THOP1: variants seen among roughly 807,000 people sequenced by gnomAD.
THOP1 encodes the protein thimet oligopeptidase 1, also known as thimet oligopeptidase.
THOP1 carries 49 observed loss-of-function variants against 71.8 expected under a neutral mutation model. The ratio of observed to expected loss-of-function variants is 0.68; its 90% CI spans 0.54 to 0.87. The LOEUF (loss-of-function observed/expected upper bound fraction) is 0.87. Among genes scored for constraint, THOP1 ranks in the 40% least tolerant of loss-of-function variants. The pLI is 0.00. For missense variants in THOP1, 843 were observed against 975.6 expected, an observed-to-expected ratio of 0.86 and a Z score of 1.81; for synonymous variants, 426 against 421.5, an observed-to-expected ratio of 1.01 and a Z score of -0.13.
intron 4 of THOP1, among the ~76,000 whole-genome samples, chr19:2,797,232 G>A (rs1226946428): frequency 6.6e-6 from 1 of 152,188 alleles, no homozygotes; most frequent in African/African-American, 2.4e-5. Flanking sequence ...TAGGGTAATG[G>A]GGGCCGGTGG....
rs1915852685 is a variant in THOP1 at position 2,790,599 on chromosome 19, C to T, written c.195C>T (p.Leu65=). The T allele has an allele frequency of 6.3e-7, 1 of 1,590,140 alleles. No homozygotes were observed. Among genetic ancestry groups the T allele is most frequent in the Non-Finnish European group, 8.6e-7 (1 of 1,169,244 alleles). The change falls in exon 2 of 13, where the codon CTC becomes CTT. Residue 65 remains leucine, a synonymous_variant. Coordinates refer to ENST00000307741, the MANE Select transcript of THOP1 (RefSeq NM_003249.5). ...EFEDVSYEST[L]KALADVEVTY... is the part of the protein sequence containing the mutation. ...AGGACGTGTCCTACGAGAGCACGCT[C>T]AAGGCGCTGGCCGATGTGGAGGTCA...
intron 5 of THOP1, among the ~76,000 whole-genome samples, chr19:2,802,170 C>G (rs1476121400): frequency 2.0e-5 from 3 of 151,786 alleles, no homozygotes; most frequent in Admixed American, 1.3e-4. Flanking sequence ...TCTCCAACAC[C>G]GCCACCTCCA....
rs371786321 is a variant in THOP1 at position 2,810,424 on chromosome 19, C to T, written c.1576C>T (p.Arg526Cys). The T allele has an allele frequency of 1.1e-4, 169 of 1,605,290 alleles. No individual in the cohort carries two copies. The highest frequency in any genetic ancestry group is 6.5e-4 in the East Asian group (29 of 44,598). ...GCTGCTGCGGATGTCGCGGCACTACCGCACAGGCAGCGCCGTGCCCCGGGA... is the reference window on the plus strand; with the variant it reads ...GCTGCTGCGGATGTCGCGGCACTACTGCACAGGCAGCGCCGTGCCCCGGGA... ...EPLLRMSRHYRTGSAVPRELL... is the reference protein window; with the variant it reads ...EPLLRMSRHYCTGSAVPRELL... Residue 526 changes from arginine (R) to cysteine (C), a missense_variant, in exon 10 of 13, where the codon CGC (arginine) becomes TGC (cysteine). Physicochemically the swap from Arg to Cys is radical, Grantham distance 180. Coordinates refer to ENST00000307741, the MANE Select transcript of THOP1 (RefSeq NM_003249.5).
intron 7 of THOP1, 133 bp downstream of exon 7, chr19:2,807,185 G>A (rs1027737381): frequency 2.9e-5 from 38 of 1,313,428 alleles, no homozygotes; most frequent in Non-Finnish European, 3.7e-5. Flanking sequence ...GCCTGCCCTG[G>A]CTCCCTCACT....
intron 12 of THOP1, chr19:2,812,423 C>T (rs1055515812): frequency 2.1e-6 from 3 of 1,444,782 alleles, no homozygotes; most frequent in Middle Eastern, 2.5e-4. Flanking sequence ...TATAGAGGTG[C>T]AGAGGCCAGG....
Position 2,813,287 on chromosome 19 carries a change from T to C in THOP1, c.*11T>C. ...CCGCAGGTCTGCTGAGGCCTGGCACTGCGACTGCCCAGTCTGGCCTGCGCT... is the reference window on the plus strand; with the variant it reads ...CCGCAGGTCTGCTGAGGCCTGGCACCGCGACTGCCCAGTCTGGCCTGCGCT... On this transcript the variant is annotated 3_prime_UTR_variant, in exon 13 of 13. Transcript: ENST00000307741. 6.2e-7 allele frequency: 1 copy of C among 1,603,932 alleles called. No homozygotes were observed. Among genetic ancestry groups the C allele is most frequent in the Non-Finnish European group, 8.5e-7 (1 of 1,176,570 alleles).
rs938940579 is a variant in THOP1 at position 2,806,528 on chromosome 19, T to A, written c.751-389T>A. The A allele has an allele frequency of 1.3e-4, 33 of 249,626 alleles. No homozygotes were observed. In the South Asian group the frequency reaches 1.4e-3, roughly 11 times the overall value. 15.5% of individuals were successfully genotyped at this position (249,626 alleles called of 1,614,324 possible). A position where few individuals can be genotyped will look rare whatever the true frequency, so the allele number is the denominator to read the frequency against. On this transcript the variant is annotated intron_variant, in intron 6 of 12. Transcript: ENST00000307741. ...CCACTGGCTTGGTTGGCAGTGCCAGTCCTCAGAAGTGAGGCTGTGTGCATG... is the reference window on the plus strand; with the variant it reads ...CCACTGGCTTGGTTGGCAGTGCCAGACCTCAGAAGTGAGGCTGTGTGCATG...
At chr19:2,795,993 A>T in intron 3 of THOP1, 88 bp from the exon 4 acceptor site, 1 of 994,884 alleles carries the variant, frequency 1.0e-6, no homozygotes, top group Non-Finnish European at 1.5e-6. Flanking sequence ...CGGGGGCCGG[A>T]TGATCAGGTT....
rs1424006238 is a variant in THOP1, at chr19:2,791,573, C to T, written c.229+940C>T. ...GGAATCCTGACCCTCTTCCCACTCC[C>T]TCTGGCTTCCGACAAGTGGCTTAGA... On this transcript the variant is annotated intron_variant, in intron 2 of 12. Coordinates refer to ENST00000307741, the MANE Select transcript of THOP1 (RefSeq NM_003249.5). Among the ~76,000 whole-genome samples, 2 of 152,214 alleles carry T rather than the reference C, an allele frequency of 1.3e-5. 1 individual carries two copies. The highest frequency in any genetic ancestry group is 4.8e-5 in the African/African-American group (2 of 41,462).
chr19:2,795,926 G>T, intron 3 of THOP1, 155 bp from the exon 4 acceptor site: 1 of 591,038 alleles, frequency 1.7e-6, no homozygotes, highest in Non-Finnish European at 3.1e-6. Context: ...GTTTTATGTA[G>T]AGACAGGTCG....
At chr19:2,810,168 T>C (rs960366924) in intron 9 of THOP1, 136 bp from the exon 10 acceptor site, 2 of 1,158,916 alleles carry the variant, frequency 1.7e-6, no homozygotes, top group African/African-American at 3.2e-5. Context: ...TTTCCAGTTT[T>C]GGGGTGGGAG....
intron 1 of THOP1, among the ~76,000 whole-genome samples, chr19:2,786,053 G>C (rs1175979374): frequency 6.6e-6 from 1 of 152,142 alleles, no homozygotes; most frequent in East Asian, 1.9e-4. Flanking sequence ...CTCTGGTGCA[G>C]ATAAACACGA....
At chr19:2,798,090 G>C (rs1916060773) in intron 4 of THOP1, among the ~76,000 whole-genome samples, 1 of 152,180 alleles carries the variant, frequency 6.6e-6, no homozygotes. Context: ...GTGCAACGGT[G>C]TGATCTCAGC....
At chr19:2,794,003 C>CTT (rs869280337) in intron 2 of THOP1, among the ~76,000 whole-genome samples, 3 of 143,370 alleles carry the variant, frequency 2.1e-5, no homozygotes, top group South Asian at 2.3e-4. Flanking sequence ...CATTTTAAAG[C>CTT]TTTTTTTTTT....
Position 2,815,587 on chromosome 19 carries a change from C to T in THOP1, c.*2311C>T, listed in dbSNP as rs1184621470. ...GGGGGCACCCGGGTTTCCCCAAACA[C>T]TCCAGGACAGAGCGGGGGCTTTGAT... On this transcript the variant is annotated 3_prime_UTR_variant, in exon 13 of 13. Transcript: ENST00000307741. 1 of 152,736 alleles carries T rather than the reference C, an allele frequency of 6.5e-6. No homozygotes were observed. The highest frequency in any genetic ancestry group is 1.5e-5 in the Non-Finnish European group (1 of 68,484). 9.5% of individuals were successfully genotyped at this position (152,736 alleles called of 1,614,324 possible).
At chr19:2,791,286 C>T (rs1915872284) in intron 2 of THOP1, among the ~76,000 whole-genome samples, 1 of 152,200 alleles carries the variant, frequency 6.6e-6, no homozygotes, top group Non-Finnish European at 1.5e-5. Flanking sequence ...ACCAAGAGAC[C>T]CAGAGAGTCT....
chr19:2,791,116 G>A (rs951605860), intron 2 of THOP1, among the ~76,000 whole-genome samples: 3 of 152,206 alleles, frequency 2.0e-5, no homozygotes, highest in African/African-American at 4.8e-5. Flanking sequence ...CCCTCCGGCG[G>A]GGGTGACCTC....
Position 2,808,119 on chromosome 19 carries a change from G to A in THOP1, c.1254-124G>A, listed in dbSNP as rs982670877. The A allele has an allele frequency of 9.7e-6, 11 of 1,131,168 alleles. No individual in the cohort carries two copies. The African/African-American group carries it at 1.1e-4, about 11-fold the overall frequency. The allele number at this position is 1,131,168 out of a possible 1,614,324, so 70.1% of individuals were successfully genotyped here. A position where few individuals can be genotyped will look rare whatever the true frequency, so the allele number is the denominator to read the frequency against. On this transcript the variant is annotated intron_variant, in intron 8 of 12. Coordinates refer to ENST00000307741, the MANE Select transcript of THOP1 (RefSeq NM_003249.5). ...GCCAAGCCACCTCTGCTGAGAGGGA[G>A]GTTTAGAACCTCAGAGGTGCCCGGC...
rs73524725 is a variant in THOP1 at position 2,813,654 on chromosome 19, T to C, written c.*378T>C. The C allele has an allele frequency of 0.043, 6,789 of 156,172 alleles. 465 individuals are homozygous for C. The highest frequency in any genetic ancestry group is 0.16 in the African/African-American group (6,376 of 39,230). The allele number at this position is 156,172 out of a possible 1,614,324, so 9.7% of individuals were successfully genotyped here. ...CTGCGCTTTTTTGGTCCGAGGACGG[T>C]GGGACGGCGGGTCAGGGTCCAGCCC... On this transcript the variant is annotated 3_prime_UTR_variant, in exon 13 of 13. Coordinates refer to ENST00000307741, the MANE Select transcript of THOP1 (RefSeq NM_003249.5).
Sources: allele counts gnomAD v4.1 joint callset (sites outside exome capture counted in the v4.1 genomes callset), GRCh38; gene constraint gnomAD v4.1.1; transcripts MANE v1.5; gene names NCBI Gene and HGNC (gene_info 2026-07-23, HGNC 2026-07-21).